SIRT3: variants seen among roughly 807,000 people sequenced by gnomAD.
SIRT3 encodes the protein NAD-dependent protein deacetylase sirtuin-3, mitochondrial.
SIRT3 carries 26 observed loss-of-function variants against 33.5 expected under a neutral mutation model. The observed-to-expected ratio is 0.78, with a 90% CI of 0.57 to 1.08. SIRT3 has a LOEUF of 1.08. Ranked by LOEUF, SIRT3 falls within the 50% of genes least tolerant of loss-of-function variation. The pLI is 0.00. For missense variants in SIRT3, 585 were observed against 530.1 expected (o/e 1.10, Z -1.02); for synonymous variants, 237 against 222.1 (o/e 1.07, Z -0.60).
At chr11:229,982 A>G (rs1857694660) in intron 4 of SIRT3, among the ~76,000 whole-genome samples, 1 of 152,212 alleles carries the variant, frequency 6.6e-6, no homozygotes, top group South Asian at 2.1e-4. Context: ...GCCATGAAAC[A>G]GGATGAAATA....
chr11:236,022 G>C, intron 1 of SIRT3, 26 bp downstream of exon 1: 1 of 1,463,792 alleles, frequency 6.8e-7, no homozygotes, highest in Non-Finnish European at 9.0e-7. Context: ...GAACACGCAA[G>C]AAGTGCTTGT....
At chr11:235,195 A>C (rs533503696) in intron 1 of SIRT3, among the ~76,000 whole-genome samples, 2 of 89,794 alleles carry the variant, frequency 2.2e-5, no homozygotes, top group East Asian at 6.9e-4. Context: ...GGATCTATTA[A>C]ACTTTTTTCT....
chr11:219,420 T>G (rs1315471682), intron 5 of SIRT3, among the ~76,000 whole-genome samples: 2 of 152,114 alleles, frequency 1.3e-5, no homozygotes, highest in African/African-American at 4.8e-5. Context: ...CAGCACAGAC[T>G]CGTCCATCTC....
intron 1 of SIRT3, among the ~76,000 whole-genome samples, chr11:235,707 A>G (rs1858925342): frequency 6.6e-6 from 1 of 152,206 alleles, no homozygotes; most frequent in Admixed American, 6.5e-5. Context: ...TAACCGCACA[A>G]CATTTATGAG....
rs1855538337 is a variant in SIRT3 at position 215,266 on chromosome 11, A to G, written c.*1432T>C. ...GCAAAACCTTGTCTCTATTACAAATATGCCCATGTGCTAGGTGTGGTGGGA... is the reference window on the plus strand; with the variant it reads ...GCAAAACCTTGTCTCTATTACAAATGTGCCCATGTGCTAGGTGTGGTGGGA... On this transcript the variant is annotated 3_prime_UTR_variant, in exon 7 of 7. Transcript: ENST00000382743. 6.6e-6 allele frequency among the ~76,000 whole-genome samples: 1 copy of G among 152,114 alleles called. No homozygotes were observed. The highest frequency in any genetic ancestry group is 6.5e-5 in the Admixed American group (1 of 15,270).
At chr11:219,466 C>T (rs1856129219) in intron 5 of SIRT3, among the ~76,000 whole-genome samples, 1 of 152,152 alleles carries the variant, frequency 6.6e-6, no homozygotes, top group Non-Finnish European at 1.5e-5. Context: ...CAGCCACCAC[C>T]AGCATCGGGC....
At chr11:233,803 G>A (rs1858461468) in intron 1 of SIRT3, 2 of 368,432 alleles carry the variant, frequency 5.4e-6, no homozygotes, top group Non-Finnish European at 9.9e-6. Flanking sequence ...ACACTCAGTA[G>A]GCACTCAACT....
chr11:216,042 A>G lies in SIRT3; in HGVS notation c.*656T>C, dbSNP rs1329499948. The G allele has an allele frequency of 6.5e-6, 1 of 152,676 alleles. No individual in the cohort carries two copies. The highest frequency in any genetic ancestry group is 1.9e-4 in the East Asian group (1 of 5,196). 9.5% of individuals were successfully genotyped at this position (152,676 alleles called of 1,614,324 possible). Reference sequence around the variant, plus strand: ...GGAGGAGCTGGGCCGTCTCCAATAAATCCAGGGACAAATGCCTTCAGTCCT... The same window carrying G: ...GGAGGAGCTGGGCCGTCTCCAATAAGTCCAGGGACAAATGCCTTCAGTCCT... On this transcript the variant is annotated 3_prime_UTR_variant, in exon 7 of 7. Transcript: ENST00000382743.
intron 4 of SIRT3, among the ~76,000 whole-genome samples, chr11:229,111 A>C (rs1292610264): frequency 4.6e-5 from 7 of 152,234 alleles, no homozygotes; most frequent in Admixed American, 4.6e-4. Context: ...CTGTTGGTGG[A>C]ATGTAAAATG....
chr11:234,361 G>A (rs1206316464), intron 1 of SIRT3, among the ~76,000 whole-genome samples: 1 of 152,208 alleles, frequency 6.6e-6, no homozygotes, highest in Non-Finnish European at 1.5e-5. Context: ...CTCCTCACAC[G>A]CAGCCCTATG....
chr11:229,171 G>A (rs1440033490), intron 4 of SIRT3, among the ~76,000 whole-genome samples: 2 of 152,074 alleles, frequency 1.3e-5, no homozygotes, highest in East Asian at 1.9e-4. Context: ...AAGTTAAAAC[G>A]GGCCGGGCGC....
chr11:224,069 C>T lies in SIRT3; in HGVS notation c.969+9G>A. 1 of 1,613,918 alleles carries T rather than the reference C, an allele frequency of 6.2e-7. No individual in the cohort carries two copies. The highest frequency in any genetic ancestry group is 8.5e-7 in the Non-Finnish European group (1 of 1,179,936). ...CCAGCCTCCTCCCTGCACAGGCCTGCTGACAAACCTCCAGGGAGGTCCCAA... is the reference window on the plus strand; with the variant it reads ...CCAGCCTCCTCCCTGCACAGGCCTGTTGACAAACCTCCAGGGAGGTCCCAA... On this transcript the variant is annotated intron_variant, in intron 5 of 6. Transcript: ENST00000382743.
chr11:226,665 C>A (rs1350271198), intron 4 of SIRT3, among the ~76,000 whole-genome samples: 1 of 151,996 alleles, frequency 6.6e-6, no homozygotes, highest in Non-Finnish European at 1.5e-5. Context: ...GCCTCAGCTT[C>A]CCAAAGTACT....
chr11:229,624 T>A (rs568674673), intron 4 of SIRT3, among the ~76,000 whole-genome samples: 1 of 152,034 alleles, frequency 6.6e-6, no homozygotes. Flanking sequence ...CTGGGCATGG[T>A]GGCAGGCACC....
chr11:218,695 G>A, intron 6 of SIRT3, 137 bp downstream of exon 6: 1 of 1,463,214 alleles, frequency 6.8e-7, no homozygotes, highest in Middle Eastern at 1.8e-4. Flanking sequence ...GGTCCAGGTA[G>A]TGCCTGGTGC....
At position 236,207 on chromosome 11, in the gene SIRT3, C is replaced by G. The variant is rs202047454; in HGVS notation, c.122G>C (p.Gly41Ala). The G allele has an allele frequency of 1.9e-6, 3 of 1,560,438 alleles. No homozygotes were observed. The highest frequency in any genetic ancestry group is 2.6e-6 in the Non-Finnish European group (3 of 1,156,348). ...FQACGCRLVL[G>A]GRDDVSAGLR... is the part of the protein sequence containing the mutation. The stretch of plus-strand genomic sequence containing the variant: ...CCCCGCACTCACATCGTCCCTGCCG[C>G]CAAGCACCAGCCGACAGCCGCAGGC... The change falls in exon 1 of 7, where the codon GGC becomes GCC. Residue 41 changes from glycine (G) to alanine (A), a missense_variant. Gly to Ala is a moderately conservative substitution (Grantham distance 60, BLOSUM62 0). Transcript: ENST00000382743.
At position 236,183 on chromosome 11, in the gene SIRT3, C is replaced by A. The variant is rs1590235385; in HGVS notation, c.146G>T (p.Gly49Val). 3 of 1,563,808 alleles carry A rather than the reference C, an allele frequency of 1.9e-6. No homozygotes were observed. Among genetic ancestry groups the A allele is most frequent in the East Asian group, 2.4e-5 (1 of 41,462 alleles). ...VLGGRDDVSA[G>V]LRGSHGARGE... ...GCGGGCCCCATGGCTGCCTCTCAGC[C>A]CCGCACTCACATCGTCCCTGCCGCC... Residue 49 changes from glycine to valine, a missense_variant, in exon 1 of 7, where the codon GGG becomes GTG. Physicochemically the swap from Gly to Val is moderately radical, Grantham distance 109. Transcript: ENST00000382743.
chr11:224,248 C>T lies in SIRT3; in HGVS notation c.808-9G>A. 6.2e-7 allele frequency: 1 copy of T among 1,613,394 alleles called. No individual in the cohort carries two copies. Among genetic ancestry groups the T allele is most frequent in the Non-Finnish European group, 8.5e-7 (1 of 1,179,660 alleles). On this transcript the variant is annotated splice_polypyrimidine_tract_variant and intron_variant, in intron 4 of 6. Transcript: ENST00000382743. Reference sequence around the variant, plus strand: ...TCTGCCATCACGTCAGCCTGGAAAACAGAGAAAACAGGCCTGAGGAAGATG... The same window carrying T: ...TCTGCCATCACGTCAGCCTGGAAAATAGAGAAAACAGGCCTGAGGAAGATG...
chr11:235,403 C>T (rs895723547), intron 1 of SIRT3, among the ~76,000 whole-genome samples: 12 of 152,224 alleles, frequency 7.9e-5, no homozygotes, highest in South Asian at 4.1e-4. Flanking sequence ...ATGGGGGTCT[C>T]GTTATGTTGC....
Sources: allele counts gnomAD v4.1 joint callset (sites outside exome capture counted in the v4.1 genomes callset), GRCh38; gene constraint gnomAD v4.1.1; transcripts MANE v1.5; gene names NCBI Gene and HGNC (gene_info 2026-07-23, HGNC 2026-07-21).